Variants in RANBP17 observed in about 807,000 individuals in gnomAD.
The protein encoded by RANBP17 is ran-binding protein 17.
RANBP17 carries 158 observed loss-of-function variants against 141.2 expected under a neutral mutation model. That is an observed-to-expected ratio of 1.12 (90% CI 0.98 to 1.28). RANBP17 has a LOEUF of 1.28. Among genes scored for constraint, RANBP17 ranks in the 50% most tolerant of loss-of-function variants. RANBP17 has a pLI of 0.00. For missense variants in RANBP17, 1,438 were observed against 1,290.7 expected (o/e 1.11, Z -1.75); for synonymous variants, 430 against 450.0 (o/e 0.96, Z 0.56).
intron 14 of RANBP17, among the ~76,000 whole-genome samples, chr5:171,032,353 G>T (rs1781597821): frequency 6.6e-6 from 1 of 152,100 alleles, no homozygotes; most frequent in Non-Finnish European, 1.5e-5. Flanking sequence ...TAGTTTTCAA[G>T]ACAACGCAGT....
At position 171,282,105 on chromosome 5, in the gene RANBP17, T is replaced by C. The variant is rs533077254; in HGVS notation, c.2944-11778T>C. Among the ~76,000 whole-genome samples the C allele has an allele frequency of 2.0e-5, 3 of 152,304 alleles. No individual in the cohort carries two copies. In the South Asian group the frequency reaches 6.2e-4, roughly 32 times the overall value. ...ACCTAAGTGACAACTAAATGGGGCA[T>C]TTGATAAGTCTATAAATACTTGGAA... On this transcript the variant is annotated intron_variant, in intron 25 of 27. Coordinates refer to ENST00000523189, the MANE Select transcript of RANBP17 (RefSeq NM_022897.5).
At chr5:171,150,460 G>A (rs1439126875) in intron 14 of RANBP17, among the ~76,000 whole-genome samples, 1 of 150,854 alleles carries the variant, frequency 6.6e-6, no homozygotes, top group Admixed American at 6.7e-5. Flanking sequence ...TACACAATTT[G>A]ATGAAAGGTA....
At chr5:171,259,858 G>A (rs1766167683) in intron 24 of RANBP17, among the ~76,000 whole-genome samples, 1 of 152,104 alleles carries the variant, frequency 6.6e-6, no homozygotes, top group Admixed American at 6.5e-5. Flanking sequence ...GCAGGCGCCT[G>A]TAATCCCAGC....
intron 14 of RANBP17, among the ~76,000 whole-genome samples, chr5:171,121,862 G>T (rs926195384): frequency 1.3e-5 from 2 of 152,206 alleles, no homozygotes; most frequent in Non-Finnish European, 2.9e-5. Flanking sequence ...CACTCCAGAG[G>T]TGCCTCTGAT....
At chr5:171,193,264 A>G (rs1581834168) in intron 18 of RANBP17, among the ~76,000 whole-genome samples, 1 of 152,238 alleles carries the variant, frequency 6.6e-6, no homozygotes, top group South Asian at 2.1e-4. Context: ...AATAAATTGA[A>G]TATGTCTTGT....
chr5:171,062,932 T>C (rs1432391316), intron 14 of RANBP17, among the ~76,000 whole-genome samples: 3 of 152,104 alleles, frequency 2.0e-5, no homozygotes, highest in African/African-American at 7.2e-5. Flanking sequence ...ACTGATACCC[T>C]TTCTTCCAGT....
chr5:171,217,032 A>G (rs1325508985), intron 21 of RANBP17, among the ~76,000 whole-genome samples: 2 of 152,154 alleles, frequency 1.3e-5, no homozygotes, highest in Non-Finnish European at 2.9e-5. Context: ...ATTCAGTATG[A>G]TATTGGCTGT....
At chr5:170,942,079 A>G (rs1774365892) in intron 12 of RANBP17, among the ~76,000 whole-genome samples, 1 of 152,158 alleles carries the variant, frequency 6.6e-6, no homozygotes, top group African/African-American at 2.4e-5. Flanking sequence ...ATTCTCTCAT[A>G]GGAGCGTGAA....
At chr5:171,211,980 G>A (rs1039268420) in intron 20 of RANBP17, among the ~76,000 whole-genome samples, 5 of 152,062 alleles carry the variant, frequency 3.3e-5, no homozygotes, top group African/African-American at 1.2e-4. Context: ...TTTGTGTCAG[G>A]CCATGCATTC....
chr5:170,922,316 G>A (rs1028754475), intron 11 of RANBP17, among the ~76,000 whole-genome samples: 7 of 152,134 alleles, frequency 4.6e-5, no homozygotes, highest in African/African-American at 1.7e-4. Context: ...TGGTCTGTTC[G>A]TTCTCGGAGT....
Position 171,186,754 on chromosome 5 carries a change from T to A in RANBP17, c.2038+3324T>A, listed in dbSNP as rs538403284. ...GGTTTCACCGTTTTAGCCGGGATGG[T>A]CTCGATCTCCTGACCTCGTGATCCG... is the stretch of plus-strand genomic sequence containing the variant. On this transcript the variant is annotated intron_variant, in intron 18 of 27. Transcript: ENST00000523189. Among the ~76,000 whole-genome samples the A allele has an allele frequency of 2.0e-5, 3 of 151,822 alleles. No individual in the cohort carries two copies. In the East Asian group the frequency reaches 5.8e-4, roughly 29 times the overall value.
chr5:171,101,031 A>G (rs1273879314), intron 14 of RANBP17, among the ~76,000 whole-genome samples: 2 of 152,270 alleles, frequency 1.3e-5, no homozygotes, highest in South Asian at 2.1e-4. Context: ...TATGTGATCA[A>G]TTTTAGAATA....
At chr5:171,221,306 G>T (rs1022329800) in intron 21 of RANBP17, among the ~76,000 whole-genome samples, 8 of 152,174 alleles carry the variant, frequency 5.3e-5, no homozygotes, top group Non-Finnish European at 1.0e-4. Flanking sequence ...TATTTTAAAA[G>T]TACCAGATTT....
intron 14 of RANBP17, among the ~76,000 whole-genome samples, chr5:171,026,238 C>T (rs1781223030): frequency 6.6e-6 from 1 of 152,196 alleles, no homozygotes; most frequent in Non-Finnish European, 1.5e-5. Flanking sequence ...GCTACATACA[C>T]AATCTTATTT....
intron 18 of RANBP17, among the ~76,000 whole-genome samples, chr5:171,186,231 A>G (rs78011741): frequency 0.049 from 7,464 of 152,242 alleles, 245 homozygotes; most frequent in East Asian, 0.12. Context: ...TCTTCTTCCA[A>G]TGAAAGGCTG....
chr5:171,244,475 C>T (rs1158853398), intron 24 of RANBP17, among the ~76,000 whole-genome samples: 1 of 152,130 alleles, frequency 6.6e-6, no homozygotes, highest in African/African-American at 2.4e-5. Context: ...TAGACAGAGT[C>T]TGACTCTGTT....
chr5:170,919,038 A>G (rs1418647841), intron 10 of RANBP17, among the ~76,000 whole-genome samples, 179 bp downstream of exon 10: 1 of 152,114 alleles, frequency 6.6e-6, no homozygotes, highest in Non-Finnish European at 1.5e-5. Flanking sequence ...TTGAGAAGCT[A>G]TTTAAATATC....
intron 14 of RANBP17, among the ~76,000 whole-genome samples, chr5:171,150,911 T>C (rs1273356871): frequency 6.6e-6 from 1 of 152,244 alleles, no homozygotes; most frequent in East Asian, 1.9e-4. Flanking sequence ...TGAGGAACAC[T>C]GTTGGAACTT....
chr5:170,983,065 G>A, intron 14 of RANBP17: 1 of 506,476 alleles, frequency 2.0e-6, no homozygotes, highest in Non-Finnish European at 3.9e-6. Context: ...CTTTTACCAG[G>A]AAGTTGCTGG....
Sources: gnomAD v4.1 joint callset for allele counts (sites outside exome capture counted in the v4.1 genomes callset) on GRCh38, gnomAD v4.1.1 for gene constraint, MANE v1.5 for transcripts, NCBI Gene and HGNC (gene_info 2026-07-23, HGNC 2026-07-21) for gene names.